The following SEMA3C variants were observed in gnomAD, a reference collection of about 807,000 sequenced individuals.
SEMA3C encodes semaphorin-3C.
Under a neutral mutation model 89.4 loss-of-function variants are expected in SEMA3C, and 47 were observed. The observed-to-expected ratio is 0.53, with a 90% CI of 0.42 to 0.67. SEMA3C has a LOEUF of 0.67. Ranked by LOEUF, SEMA3C falls within the 30% of genes least tolerant of loss-of-function variation. The pLI is 0.00. For missense variants in SEMA3C, 839 were observed against 929.1 expected (o/e 0.90, Z 1.26); for synonymous variants, 310 against 320.2 (o/e 0.97, Z 0.34).
At chr7:80,894,369 G>T (rs1230371275) in intron 2 of SEMA3C, among the ~76,000 whole-genome samples, 1 of 151,038 alleles carries the variant, frequency 6.6e-6, no homozygotes, top group Admixed American at 6.6e-5. Flanking sequence ...TTACACAATG[G>T]TTTCACATTG....
At chr7:80,859,483 G>A (rs2115980614) in intron 2 of SEMA3C, among the ~76,000 whole-genome samples, 1 of 152,242 alleles carries the variant, frequency 6.6e-6, no homozygotes, top group Admixed American at 6.5e-5. Context: ...GATCCAGTAA[G>A]CTCACAAATG....
At chr7:80,830,262 T>A (rs1789979199) in intron 2 of SEMA3C, among the ~76,000 whole-genome samples, 1 of 152,200 alleles carries the variant, frequency 6.6e-6, no homozygotes, top group Non-Finnish European at 1.5e-5. Context: ...CTCTGTGCTT[T>A]AATTTCCTCA....
intron 2 of SEMA3C, among the ~76,000 whole-genome samples, chr7:80,891,561 T>C (rs1482595017): frequency 1.3e-5 from 2 of 152,066 alleles, no homozygotes; most frequent in Non-Finnish European, 2.9e-5. Flanking sequence ...AAGACATACA[T>C]GCCCTTTCTT....
chr7:80,907,582 A>G (rs962534033), intron 2 of SEMA3C, among the ~76,000 whole-genome samples: 1 of 152,020 alleles, frequency 6.6e-6, no homozygotes, highest in Non-Finnish European at 1.5e-5. Context: ...TAAACAATCT[A>G]TAAGGGTGGT....
At chr7:80,830,174 C>T (rs1304506111) in intron 2 of SEMA3C, among the ~76,000 whole-genome samples, 1 of 152,124 alleles carries the variant, frequency 6.6e-6, no homozygotes, top group Non-Finnish European at 1.5e-5. Flanking sequence ...TCTGAAAATG[C>T]CCTGGAAGAA....
chr7:80,836,143 G>C (rs781492182), intron 2 of SEMA3C, among the ~76,000 whole-genome samples: 1 of 152,058 alleles, frequency 6.6e-6, no homozygotes, highest in African/African-American at 2.4e-5. Context: ...TAAACAACTC[G>C]AGAACTATCA....
chr7:80,920,397 CATT>C (rs1792385771), upstream of SEMA3C, among the ~76,000 whole-genome samples: 1 of 152,144 alleles, frequency 6.6e-6, no homozygotes, highest in Admixed American at 6.5e-5. Context: ...ATGAAACAAT[CATT>C]AAATTCTTAT....
At chr7:80,918,712 T>C (rs1447064402) in intron 1 of SEMA3C, 116 bp downstream of exon 1, 1 of 602,754 alleles carries the variant, frequency 1.7e-6, no homozygotes, top group Non-Finnish European at 2.1e-6. Flanking sequence ...AAACCGCGTG[T>C]GTTCTTAAGA....
At chr7:80,858,107 T>C (rs1046475540) in intron 2 of SEMA3C, among the ~76,000 whole-genome samples, 1 of 152,154 alleles carries the variant, frequency 6.6e-6, no homozygotes, top group Non-Finnish European at 1.5e-5. Flanking sequence ...ACTTCTAGCA[T>C]TGACATATTG....
At chr7:80,917,457 A>G (rs374677772) in intron 1 of SEMA3C, among the ~76,000 whole-genome samples, 3 of 152,228 alleles carry the variant, frequency 2.0e-5, no homozygotes, top group African/African-American at 7.2e-5. Context: ...CCAAATTCAA[A>G]CCAATGACCT....
intron 2 of SEMA3C, among the ~76,000 whole-genome samples, chr7:80,865,103 A>T (rs912196677): frequency 6.6e-6 from 1 of 152,120 alleles, no homozygotes; most frequent in Non-Finnish European, 1.5e-5. Context: ...TGCAGTATTA[A>T]TTTTTCTAAA....
upstream of SEMA3C, among the ~76,000 whole-genome samples, chr7:80,920,495 GGTGA>G (rs894712460): frequency 6.6e-6 from 1 of 152,226 alleles, no homozygotes; most frequent in African/African-American, 2.4e-5. Flanking sequence ...AGGAGGAAGA[GGTGA>G]GTGAGACACA....
intron 2 of SEMA3C, among the ~76,000 whole-genome samples, chr7:80,900,782 ATATAAC>A (rs1791860107): frequency 2.0e-5 from 3 of 152,234 alleles, no homozygotes; most frequent in Admixed American, 2.0e-4. Context: ...AAGTAACTCT[ATATAAC>A]AAATGAATCA....
At chr7:80,842,489 C>T (rs181668623) in intron 2 of SEMA3C, among the ~76,000 whole-genome samples, 1 of 152,258 alleles carries the variant, frequency 6.6e-6, no homozygotes, top group African/African-American at 2.4e-5. Context: ...TTGAGACAAA[C>T]ATTAGCCATG....
At chr7:80,837,456 C>T (rs1316798329) in intron 2 of SEMA3C, among the ~76,000 whole-genome samples, 1 of 152,174 alleles carries the variant, frequency 6.6e-6, no homozygotes, top group Non-Finnish European at 1.5e-5. Flanking sequence ...AATGCTGCAG[C>T]TGCAAGGATT....
intron 2 of SEMA3C, among the ~76,000 whole-genome samples, chr7:80,914,576 T>C (rs776853886): frequency 1.8e-4 from 27 of 152,174 alleles, no homozygotes; most frequent in Admixed American, 3.3e-4. Context: ...TTCTCACTGT[T>C]GATACATCTC....
chr7:80,750,471 T>TACAC (rs1450069681), intron 16 of SEMA3C, among the ~76,000 whole-genome samples: 77 of 52,384 alleles, frequency 1.5e-3, no homozygotes, highest in Middle Eastern at 0.011. Context: ...TATATATATA[T>TACAC]ATACACACAC....
At chr7:80,839,061 G>C (rs1194689692) in intron 2 of SEMA3C, among the ~76,000 whole-genome samples, 1 of 152,136 alleles carries the variant, frequency 6.6e-6, no homozygotes, top group Non-Finnish European at 1.5e-5. Flanking sequence ...AGTACTGTCT[G>C]GATTCTATCT....
At chr7:80,847,617 C>T (rs1790420818) in intron 2 of SEMA3C, among the ~76,000 whole-genome samples, 1 of 152,066 alleles carries the variant, frequency 6.6e-6, no homozygotes, top group Non-Finnish European at 1.5e-5. Flanking sequence ...AACAAACTCG[C>T]TTGGCATCCT....
Sources: allele counts gnomAD v4.1 joint callset (sites outside exome capture counted in the v4.1 genomes callset), GRCh38; gene constraint gnomAD v4.1.1; transcripts MANE v1.5; gene names NCBI Gene and HGNC (gene_info 2026-07-23, HGNC 2026-07-21).